Variants in GBF1 observed in about 807,000 individuals in gnomAD.
GBF1 encodes Golgi-specific brefeldin A-resistance guanine nucleotide exchange factor 1.
A neutral mutation model predicts 210.5 loss-of-function variants in GBF1; 114 were observed. That is an observed-to-expected ratio of 0.54 (90% confidence interval 0.47 to 0.63). The LOEUF is 0.63. Among genes scored for constraint, GBF1 ranks in the 30% least tolerant of loss-of-function variants. The pLI, the probability that GBF1 is intolerant of heterozygous loss-of-function variation, is 0.00. For missense variants in GBF1, 1,851 were observed against 2,357.7 expected (o/e 0.79, Z 4.45); for synonymous variants, 850 against 889.2 (o/e 0.96, Z 0.78).
At position 102,369,191 on chromosome 10, in the gene GBF1, G is replaced by T. The variant is rs1236745682; in HGVS notation, c.2974-20G>T. 17 of 1,589,994 alleles carry T rather than the reference G, an allele frequency of 1.1e-5. No individual in the cohort carries two copies. Among genetic ancestry groups the T allele is most frequent in the Non-Finnish European group, 1.5e-5 (17 of 1,158,564 alleles). On this transcript the variant is annotated intron_variant, in intron 23 of 39. Coordinates refer to ENST00000369983, the MANE Select transcript of GBF1 (RefSeq NM_001377137.1). ...CAGACATTAGCTCGGCCTTAAGTCT[G>T]TTCTCTTCCTCTTTTCCAGTCTATT...
Position 102,376,656 on chromosome 10 carries a change from T to G in GBF1, c.4144T>G (p.Leu1382Val), listed in dbSNP as rs1460135498. The change falls in exon 32 of 40, where the codon TTG becomes GTG. Residue 1382 changes from leucine (L) to valine (V), a missense_variant. Transcript: ENST00000369983. ...ATACAGCCTAACAGTGGGACTGGAT[T>G]TGGGGCCACACGACACTAAGTCTCT... Reference protein sequence around the residue: ...NQYSLTVGLDLGPHDTKSLLK... With the variant: ...NQYSLTVGLDVGPHDTKSLLK... The G allele has an allele frequency of 6.2e-7, 1 of 1,613,960 alleles. No individual in the cohort carries two copies. The highest frequency in any genetic ancestry group is 8.5e-7 in the Non-Finnish European group (1 of 1,179,940).
At chr10:102,361,494 A>C (rs1011298241) in intron 13 of GBF1, among the ~76,000 whole-genome samples, 1 of 152,220 alleles carries the variant, frequency 6.6e-6, no homozygotes, top group African/African-American at 2.4e-5. Context: ...GGCAAGAGGC[A>C]ACTTGTCTGG....
intron 36 of GBF1, 49 bp from the exon 37 acceptor site, chr10:102,380,200 C>T (rs986439072): frequency 8.0e-6 from 10 of 1,248,708 alleles, no homozygotes; most frequent in Admixed American, 1.7e-5. Context: ...AGAGAGGGGT[C>T]CAGAGGCTCC....
At chr10:102,362,256 C>A (rs902513732) in intron 14 of GBF1, among the ~76,000 whole-genome samples, 7 of 151,652 alleles carry the variant, frequency 4.6e-5, no homozygotes, top group Admixed American at 4.6e-4. Flanking sequence ...CGGGGTTTCA[C>A]CATGTTAGCC....
rs530283439 is a variant in GBF1, at chr10:102,246,911, A to C, written c.-11+1130A>C. Among the ~76,000 whole-genome samples the C allele has an allele frequency of 2.6e-5, 4 of 152,344 alleles. No individual in the cohort carries two copies. The East Asian group carries it at 7.7e-4, about 29-fold the overall frequency. The stretch of plus-strand genomic sequence containing the variant: ...AGGTCTGCTTTGGGACTGCTCAGTT[A>C]ATGCACTTCTTAAAAGTAGTAGCAT... On this transcript the variant is annotated intron_variant, in intron 1 of 39. Coordinates refer to ENST00000369983, the MANE Select transcript of GBF1 (RefSeq NM_001377137.1).
chr10:102,230,803 C>T, the GBF1 span: 2 of 1,553,300 alleles, frequency 1.3e-6, no homozygotes, highest in African/African-American at 1.4e-5. Context: ...TGGCACGGTG[C>T]CCGGGGCAGC....
chr10:102,377,178 A>AC (rs2060552237), intron 33 of GBF1, 38 bp downstream of exon 33: 1 of 1,531,278 alleles, frequency 6.5e-7, no homozygotes, highest in Admixed American at 1.7e-5. Flanking sequence ...CCTCCCCTGC[A>AC]CCTGATACTG....
Position 102,310,318 on chromosome 10 carries a change from C to T in GBF1, c.164-33733C>T, listed in dbSNP as rs116672963. Among the ~76,000 whole-genome samples the T allele has an allele frequency of 5.8e-3, 889 of 152,340 alleles. 8 individuals are homozygous for T. The highest frequency in any genetic ancestry group is 0.021 in the African/African-American group (853 of 41,576). ...TTCCTAAGATGAAATTGAAGCTGTA[C>T]ATGTGCCCTACTTATCCTTGTTTTT... is the stretch of plus-strand genomic sequence containing the variant. On this transcript the variant is annotated intron_variant, in intron 3 of 39. Transcript: ENST00000369983.
intron 3 of GBF1, among the ~76,000 whole-genome samples, chr10:102,289,687 T>C (rs1410929198): frequency 6.6e-6 from 1 of 152,214 alleles, no homozygotes; most frequent in East Asian, 1.9e-4. Flanking sequence ...GGGAAAATCC[T>C]TTGGGTGTTT....
chr10:102,324,166 CCTCT>C (rs1289805639), intron 3 of GBF1, among the ~76,000 whole-genome samples: 2 of 152,202 alleles, frequency 1.3e-5, no homozygotes, highest in African/African-American at 4.8e-5. Flanking sequence ...TTCCTCCCTT[CCTCT>C]CTCTCCCCTT....
intron 3 of GBF1, among the ~76,000 whole-genome samples, chr10:102,307,523 G>A (rs1340034973): frequency 2.0e-5 from 3 of 152,094 alleles, no homozygotes; most frequent in Non-Finnish European, 4.4e-5. Flanking sequence ...GGGCACAGTG[G>A]CTCACGCCTG....
intron 3 of GBF1, among the ~76,000 whole-genome samples, chr10:102,279,687 C>CA (rs1467838049): frequency 6.6e-6 from 1 of 151,986 alleles, no homozygotes; most frequent in Non-Finnish European, 1.5e-5. Flanking sequence ...ACTGAGCCTC[C>CA]AAAAGCAGAG....
chr10:102,359,776 T>C (rs1176631442), intron 11 of GBF1, among the ~76,000 whole-genome samples: 1 of 144,608 alleles, frequency 6.9e-6, no homozygotes, highest in Non-Finnish European at 1.5e-5. Flanking sequence ...AAAATCCTTT[T>C]CCTTTTTTTT....
intron 8 of GBF1, 114 bp from the exon 9 acceptor site, chr10:102,357,925 A>T: frequency 1.3e-6 from 1 of 744,492 alleles, no homozygotes; most frequent in Non-Finnish European, 2.3e-6. Context: ...TTACTTTAGC[A>T]AAGATATGGG....
intron 4 of GBF1, among the ~76,000 whole-genome samples, chr10:102,348,788 A>C (rs1275993581): frequency 6.6e-6 from 1 of 152,240 alleles, no homozygotes; most frequent in Non-Finnish European, 1.5e-5. Flanking sequence ...GTCGGAGGCT[A>C]ATGAGGACAG....
At chr10:102,317,327 A>G (rs576705708) in intron 3 of GBF1, among the ~76,000 whole-genome samples, 10 of 152,294 alleles carry the variant, frequency 6.6e-5, no homozygotes, top group Admixed American at 3.9e-4. Flanking sequence ...GATACAAAAA[A>G]GTTTAAAGAT....
chr10:102,370,620 T>C, intron 28 of GBF1, 87 bp from the exon 29 acceptor site: 1 of 1,397,918 alleles, frequency 7.2e-7, no homozygotes, highest in Non-Finnish European at 1.0e-6. Context: ...TAGGGTATAA[T>C]ACCAATGAGT....
the GBF1 span, chr10:102,230,984 C>T: frequency 2.5e-6 from 4 of 1,605,720 alleles, no homozygotes; most frequent in South Asian, 2.2e-5. Context: ...CCGGGGTACA[C>T]CTCCTCGTAG....
At chr10:102,233,287 CT>C in the GBF1 span, among the ~76,000 whole-genome samples, 86,461 of 131,902 alleles carry the variant, frequency 0.66, 28,441 homozygotes, top group African/African-American at 0.76. Context: ...CGACTTCTTT[CT>C]TTTTTTTTTT....
Sources: allele counts gnomAD v4.1 joint callset (sites outside exome capture counted in the v4.1 genomes callset), GRCh38; gene constraint gnomAD v4.1.1; transcripts MANE v1.5; gene names NCBI Gene and HGNC (gene_info 2026-07-23, HGNC 2026-07-21).